Variants in ABCD2 observed in about 807,000 individuals in gnomAD.
ABCD2 encodes ATP binding cassette subfamily D member 2, also known as ATP-binding cassette sub-family D member 2.
Under a neutral mutation model 70.9 loss-of-function variants are expected in ABCD2, and 36 were observed. The ratio of observed to expected loss-of-function variants is 0.51; its 90% CI spans 0.39 to 0.67. The LOEUF (loss-of-function observed/expected upper bound fraction) is 0.67. Ranked by LOEUF, ABCD2 falls within the 30% of genes least tolerant of loss-of-function variation. The pLI is 0.00. For missense variants in ABCD2, 729 were observed against 890.2 expected (o/e 0.82, Z 2.30); for synonymous variants, 304 against 306.9 (o/e 0.99, Z 0.10).
chr12:39,557,547 G>A (rs1270097520), intron 9 of ABCD2, among the ~76,000 whole-genome samples: 2 of 152,194 alleles, frequency 1.3e-5, no homozygotes, highest in Non-Finnish European at 2.9e-5. Flanking sequence ...GGAACCAAAT[G>A]TTAATCACCA....
At chr12:39,579,511 G>GTTACCTGAATTTAGTATAC in intron 8 of ABCD2, 24 bp downstream of exon 8, 1 of 1,565,114 alleles carries the variant, frequency 6.4e-7, no homozygotes. Flanking sequence ...TGGCCTAGTA[G>GTTACCTGAATTTAGTATAC]TTACCTGAAT....
At position 39,553,775 on chromosome 12, in the gene ABCD2, C is replaced by T; in HGVS notation, c.*137G>A. 1 of 653,818 alleles carries T rather than the reference C, an allele frequency of 1.5e-6. No homozygotes were observed. The highest frequency in any genetic ancestry group is 2.1e-5 in the South Asian group (1 of 47,574). The allele number at this position is 653,818 out of a possible 1,614,324, so 40.5% of individuals were successfully genotyped here. On this transcript the variant is annotated 3_prime_UTR_variant, in exon 10 of 10. Coordinates refer to ENST00000308666, the MANE Select transcript of ABCD2 (RefSeq NM_005164.4). The stretch of plus-strand genomic sequence containing the variant: ...TTCTGAAAAGTCAGATCATATACTT[C>T]CTTAATGCTAAAATCTTATAAAACA...
intron 2 of ABCD2, among the ~76,000 whole-genome samples, chr12:39,608,411 G>T (rs1312462647): frequency 6.6e-6 from 1 of 152,114 alleles, no homozygotes; most frequent in Non-Finnish European, 1.5e-5. Context: ...GGGCGGCCAG[G>T]TGCGGTGGCT....
intron 5 of ABCD2, among the ~76,000 whole-genome samples, 170 bp downstream of exon 5, chr12:39,603,742 C>G (rs572114237): frequency 6.9e-4 from 105 of 152,130 alleles, no homozygotes; most frequent in Middle Eastern, 3.4e-3. Context: ...TCTCTTTTCT[C>G]TCTGCTTTCT....
At chr12:39,595,415 T>C (rs1941802989) in intron 6 of ABCD2, among the ~76,000 whole-genome samples, 1 of 152,180 alleles carries the variant, frequency 6.6e-6, no homozygotes, top group South Asian at 2.1e-4. Flanking sequence ...AAATACTCTA[T>C]TTAGCATAAC....
rs573261231 is a variant in ABCD2, at chr12:39,607,345, T to A, written c.1236+254A>T. Among the ~76,000 whole-genome samples the A allele has an allele frequency of 2.6e-5, 4 of 152,194 alleles. No individual in the cohort carries two copies. The South Asian group carries it at 6.2e-4, about 24-fold the overall frequency. On this transcript the variant is annotated intron_variant, in intron 3 of 9. Transcript: ENST00000308666. ...TGGCTCCAGAGTTCATACCTAAGGGTTTCTTTAAAATGTGAAAACAAAGAT... is the reference window on the plus strand; with the variant it reads ...TGGCTCCAGAGTTCATACCTAAGGGATTCTTTAAAATGTGAAAACAAAGAT...
chr12:39,618,910 T>C lies in ABCD2; in HGVS notation c.706A>G (p.Met236Val), dbSNP rs751475679. ...TGAATGAGTGTATAGGAGGTCAGCA[T>C]TACATCTAAAATAGGTTTGGTCAGA... The part of the protein sequence containing the change: ...SNLTKPILDV[M>V]LTSYTLIQTA... The change falls in exon 1 of 10, where the codon ATG becomes GTG. Residue 236 changes from methionine to valine, a missense_variant. Physicochemically the swap from Met to Val is conservative, Grantham distance 21. Transcript: ENST00000308666. The C allele has an allele frequency of 6.2e-7, 1 of 1,614,086 alleles. No homozygotes were observed. Among genetic ancestry groups the C allele is most frequent in the Admixed American group, 1.7e-5 (1 of 60,008 alleles).
chr12:39,540,897 T>G, the ABCD2 span, among the ~76,000 whole-genome samples: 1 of 152,254 alleles, frequency 6.6e-6, no homozygotes, highest in Non-Finnish European at 1.5e-5. Context: ...AAAACCAAGC[T>G]GCAACCAACC....
chr12:39,583,267 A>G (rs1279165291), intron 7 of ABCD2, among the ~76,000 whole-genome samples: 1 of 152,174 alleles, frequency 6.6e-6, no homozygotes, highest in Non-Finnish European at 1.5e-5. Context: ...CTCATTTTAC[A>G]GTTGAAGATA....
rs1941095994 is a variant in ABCD2, at chr12:39,552,075, C to T, written c.*1837G>A. The T allele has an allele frequency of 6.6e-6, 1 of 151,708 alleles. No homozygotes were observed. The highest frequency in any genetic ancestry group is 2.4e-5 in the African/African-American group (1 of 41,376). The allele number at this position is 151,708 out of a possible 1,614,324, so 9.4% of individuals were successfully genotyped here. A position where few individuals can be genotyped will look rare whatever the true frequency, so the allele number is the denominator to read the frequency against. On this transcript the variant is annotated 3_prime_UTR_variant, in exon 10 of 10. Transcript: ENST00000308666. ...TTAAAAAAAAATCTTTAATTCCTGC[C>T]TCACTTTTCTAACAGGAAATATTAG...
At chr12:39,541,372 G>A in the ABCD2 span, among the ~76,000 whole-genome samples, 4 of 152,140 alleles carry the variant, frequency 2.6e-5, no homozygotes, top group African/African-American at 4.8e-5. Flanking sequence ...GAGTAAAGTC[G>A]GTGAGGGGGC....
chr12:39,563,961 C>T (rs1370208529), intron 9 of ABCD2, among the ~76,000 whole-genome samples: 1 of 152,164 alleles, frequency 6.6e-6, no homozygotes, highest in Admixed American at 6.5e-5. Context: ...ATGTACTCAT[C>T]ATTTTTTATG....
rs74088751 is a variant in ABCD2 at position 39,586,261 on chromosome 12, G to A, written c.1683C>T (p.Val561=). The stretch of plus-strand genomic sequence containing the variant: ...TATCATCCACTGAATCAGGGTAAAT[G>A]ACTTGATCCCGAAGACTTCCAAGAG... ...YMSLGSLRDQ[V]IYPDSVDDMH... is the part of the protein sequence containing the mutation. The change falls in exon 7 of 10, where the codon GTC becomes GTT. Residue 561 remains valine (V), a synonymous_variant. Coordinates refer to ENST00000308666, the MANE Select transcript of ABCD2 (RefSeq NM_005164.4). The A allele has an allele frequency of 6.2e-7, 1 of 1,613,358 alleles. No homozygotes were observed. Among genetic ancestry groups the A allele is most frequent in the South Asian group, 1.1e-5 (1 of 90,944 alleles).
Position 39,619,753 on chromosome 12 carries a change from A to G in ABCD2, c.-138T>C, listed in dbSNP as rs561690176. On this transcript the variant is annotated 5_prime_UTR_variant, in exon 1 of 10. It removes the in-frame stop codon of an upstream open reading frame in the 5' UTR. Coordinates refer to ENST00000308666, the MANE Select transcript of ABCD2 (RefSeq NM_005164.4). The stretch of plus-strand genomic sequence containing the variant: ...GTTTCTCTTCCACTGTTGTGTTTTT[A>G]ATTTTGTTCTGCTGTGACAGATGCA... The G allele has an allele frequency of 2.7e-6, 2 of 753,138 alleles. No individual in the cohort carries two copies. The highest frequency in any genetic ancestry group is 5.4e-5 in the East Asian group (2 of 37,068). The allele number at this position is 753,138 out of a possible 1,614,324, so 46.7% of individuals were successfully genotyped here.
At chr12:39,611,026 G>T (rs1942037620) in intron 2 of ABCD2, among the ~76,000 whole-genome samples, 1 of 152,074 alleles carries the variant, frequency 6.6e-6, no homozygotes, top group African/African-American at 2.4e-5. Flanking sequence ...CTCATTTAAG[G>T]ATTTCATATT....
intron 9 of ABCD2, among the ~76,000 whole-genome samples, chr12:39,555,108 C>T (rs1566526280): frequency 1.3e-5 from 2 of 152,088 alleles, no homozygotes; most frequent in Non-Finnish European, 2.9e-5. Flanking sequence ...TTAGCATACT[C>T]ACAAGCTCAT....
chr12:39,598,888 T>C (rs1026306131), intron 6 of ABCD2, among the ~76,000 whole-genome samples: 3 of 152,216 alleles, frequency 2.0e-5, no homozygotes, highest in African/African-American at 7.2e-5. Context: ...TGGATTTAAA[T>C]AAATTCTATG....
At chr12:39,588,541 A>AATT (rs1941698068) in intron 6 of ABCD2, among the ~76,000 whole-genome samples, 1 of 152,218 alleles carries the variant, frequency 6.6e-6, no homozygotes, top group African/African-American at 2.4e-5. Flanking sequence ...GGCAGGAAAT[A>AATT]ATTCTCCCCA....
chr12:39,584,176 CTTG>C (rs981006020), intron 7 of ABCD2, among the ~76,000 whole-genome samples: 2 of 152,098 alleles, frequency 1.3e-5, no homozygotes, highest in African/African-American at 4.8e-5. Flanking sequence ...TTCTCAACAT[CTTG>C]TTATTTTTTG....
Sources: gnomAD v4.1 joint callset for allele counts (sites outside exome capture counted in the v4.1 genomes callset) on GRCh38, gnomAD v4.1.1 for gene constraint, MANE v1.5 for transcripts, NCBI Gene and HGNC (gene_info 2026-07-23, HGNC 2026-07-21) for gene names.